The following SLC35A1 variants were observed in gnomAD, a reference collection of about 807,000 sequenced individuals.
The protein encoded by SLC35A1 is solute carrier family 35 member A1.
SLC35A1 carries 21 observed loss-of-function variants against 40.3 expected under a neutral mutation model. The observed-to-expected ratio is 0.52, with a 90% CI of 0.37 to 0.75. The LOEUF (loss-of-function observed/expected upper bound fraction) is 0.75. SLC35A1 is among the 30% of genes least tolerant of loss of function. SLC35A1 has a pLI of 0.00. For missense variants in SLC35A1, 297 were observed against 382.1 expected (o/e 0.78, Z 1.86); for synonymous variants, 146 against 147.3 (o/e 0.99, Z 0.06).
chr6:87,480,071 C>G (rs1414598100), intron 2 of SLC35A1, among the ~76,000 whole-genome samples: 1 of 152,212 alleles, frequency 6.6e-6, no homozygotes, highest in African/African-American at 2.4e-5. Flanking sequence ...CACCATACAT[C>G]CGCTCAGGGA....
chr6:87,501,407 T>C (rs1206727128), intron 4 of SLC35A1, 97 bp downstream of exon 4: 6 of 1,243,636 alleles, frequency 4.8e-6, no homozygotes, highest in Non-Finnish European at 6.9e-6. Context: ...CATGACTACA[T>C]TTCTTTGATT....
At chr6:87,484,701 C>CAGGTAATCGGAATGAGTCAGGGTGGAGT (rs1199308173) in intron 2 of SLC35A1, among the ~76,000 whole-genome samples, 2 of 144,004 alleles carry the variant, frequency 1.4e-5, no homozygotes, top group African/African-American at 5.3e-5. Context: ...TAGGGTGGAG[C>CAGGTAATCGGAATGAGTCAGGGTGGAGT]AGGTAATCGG....
chr6:87,507,139 T>C (rs2127976973), intron 5 of SLC35A1: 1 of 152,424 alleles, frequency 6.6e-6, no homozygotes, highest in East Asian at 1.9e-4. Context: ...ATATTCTGCT[T>C]AAAGCTTTTA....
chr6:87,476,849 A>G (rs929318496), intron 1 of SLC35A1, among the ~76,000 whole-genome samples: 2 of 152,092 alleles, frequency 1.3e-5, no homozygotes, highest in African/African-American at 4.8e-5. Flanking sequence ...AACATGGGGA[A>G]ACCCCATCTC....
intron 4 of SLC35A1, among the ~76,000 whole-genome samples, chr6:87,503,403 T>C (rs897074053): frequency 6.6e-6 from 1 of 152,216 alleles, no homozygotes; most frequent in Non-Finnish European, 1.5e-5. Context: ...CATTTTTCTG[T>C]ATGAGCATTC....
intron 2 of SLC35A1, among the ~76,000 whole-genome samples, chr6:87,489,831 A>ATTTT (rs35994719): frequency 7.8e-5 from 11 of 141,358 alleles, no homozygotes; most frequent in Non-Finnish European, 1.2e-4. Flanking sequence ...GCCTGGCCAA[A>ATTTT]TTTTTTTTTT....
intron 2 of SLC35A1, among the ~76,000 whole-genome samples, chr6:87,499,391 CATT>C (rs1054066676): frequency 1.3e-5 from 2 of 152,174 alleles, no homozygotes; most frequent in Non-Finnish European, 2.9e-5. Flanking sequence ...CAGTTAGGAC[CATT>C]ATTATAAAGC....
In SLC35A1 at chr6:87,511,831, G is replaced by A. The variant is rs1770287008; in HGVS notation, c.*305G>A. ...CGGTGTTAAAAAAAATCATGGTAAGGCTACAATACTCAAGTAACAAGGTTT... is the reference window on the plus strand; with the variant it reads ...CGGTGTTAAAAAAAATCATGGTAAGACTACAATACTCAAGTAACAAGGTTT... On this transcript the variant is annotated 3_prime_UTR_variant, in exon 8 of 8. Transcript: ENST00000369552. 2 of 373,508 alleles carry A rather than the reference G, an allele frequency of 5.4e-6. No homozygotes were observed. The highest frequency in any genetic ancestry group is 4.7e-5 in the South Asian group (2 of 42,972). 23.1% of individuals were successfully genotyped at this position (373,508 alleles called of 1,614,324 possible). A position where few individuals can be genotyped will look rare whatever the true frequency, so the allele number is the denominator to read the frequency against.
chr6:87,491,933 C>G (rs761657229), intron 2 of SLC35A1, among the ~76,000 whole-genome samples: 3 of 152,196 alleles, frequency 2.0e-5, no homozygotes, highest in African/African-American at 2.4e-5. Flanking sequence ...AGGGCTTCAA[C>G]ATATGAATTT....
chr6:87,479,215 C>G (rs1769177251), intron 2 of SLC35A1, among the ~76,000 whole-genome samples: 1 of 152,170 alleles, frequency 6.6e-6, no homozygotes, highest in Non-Finnish European at 1.5e-5. Flanking sequence ...TTCCTTACAC[C>G]TCTTTCTCTT....
chr6:87,473,295 A>T (rs948520913), intron 1 of SLC35A1, among the ~76,000 whole-genome samples: 1 of 152,098 alleles, frequency 6.6e-6, no homozygotes, highest in Non-Finnish European at 1.5e-5. Flanking sequence ...TGGGAACCGA[A>T]TTCTGACAGG....
At chr6:87,484,086 A>T (rs186165428) in intron 2 of SLC35A1, among the ~76,000 whole-genome samples, 9 of 152,168 alleles carry the variant, frequency 5.9e-5, no homozygotes, top group Non-Finnish European at 1.0e-4. Context: ...TTTCTTCTTC[A>T]TTGGTCTGTG....
intron 2 of SLC35A1, among the ~76,000 whole-genome samples, chr6:87,500,064 T>G (rs1292992654): frequency 1.3e-5 from 2 of 152,146 alleles, no homozygotes; most frequent in Non-Finnish European, 2.9e-5. Flanking sequence ...ATAGCGCCAC[T>G]GCACTCCAGC....
At chr6:87,504,265 CAAAAA>C (rs1388161066) in intron 4 of SLC35A1, among the ~76,000 whole-genome samples, 1 of 126,454 alleles carries the variant, frequency 7.9e-6, no homozygotes, top group Non-Finnish European at 1.6e-5. Context: ...GATCCTGTCT[CAAAAA>C]GAAAAAAAAA....
At chr6:87,502,500 C>T (rs1448200795) in intron 4 of SLC35A1, among the ~76,000 whole-genome samples, 2 of 152,178 alleles carry the variant, frequency 1.3e-5, no homozygotes, top group Non-Finnish European at 2.9e-5. Flanking sequence ...CTAGGCTGTA[C>T]AGTATATAGC....
chr6:87,496,505 C>T (rs981288789), intron 2 of SLC35A1, among the ~76,000 whole-genome samples: 3 of 152,062 alleles, frequency 2.0e-5, no homozygotes, highest in East Asian at 3.9e-4. Context: ...GAGGGCCAGG[C>T]GTGGTGGCTT....
At chr6:87,495,238 G>A (rs762664719) in intron 2 of SLC35A1, among the ~76,000 whole-genome samples, 1 of 152,208 alleles carries the variant, frequency 6.6e-6, no homozygotes, top group Non-Finnish European at 1.5e-5. Flanking sequence ...GGGATTATAG[G>A]TGTGAGCCGC....
chr6:87,505,737 T>C (rs761666750), intron 4 of SLC35A1, among the ~76,000 whole-genome samples: 1 of 152,156 alleles, frequency 6.6e-6, no homozygotes, highest in Non-Finnish European at 1.5e-5. Flanking sequence ...CCTCAATAAC[T>C]AACTCATTCC....
chr6:87,475,390 G>A (rs1200487279), intron 1 of SLC35A1, among the ~76,000 whole-genome samples: 1 of 152,162 alleles, frequency 6.6e-6, no homozygotes, highest in East Asian at 1.9e-4. Context: ...AAAGGTTATT[G>A]CTGTATATTT....
Sources: allele counts gnomAD v4.1 joint callset (sites outside exome capture counted in the v4.1 genomes callset), GRCh38; gene constraint gnomAD v4.1.1; transcripts MANE v1.5; gene names NCBI Gene and HGNC (gene_info 2026-07-23, HGNC 2026-07-21).